Variants in PSMD6 observed in about 807,000 individuals in gnomAD.
PSMD6 encodes the protein 26S proteasome non-ATPase regulatory subunit 6.
In PSMD6, 7 loss-of-function variants were observed where a neutral mutation model predicts 44.9. The ratio of observed to expected loss-of-function variants is 0.16; its 90% CI spans 0.09 to 0.29. The LOEUF is 0.29. Ranked by LOEUF, PSMD6 falls within the 10% of genes least tolerant of loss-of-function variation. The pLI is 1.00. For synonymous variants in PSMD6, 184 were observed against 172.7 expected, an observed-to-expected ratio of 1.07 and a Z score of -0.51; for missense variants, 420 against 482.6, an observed-to-expected ratio of 0.87 and a Z score of 1.21.
chr3:64,017,646 TC>T (rs1398049923), intron 5 of PSMD6: 4 of 152,222 alleles, frequency 2.6e-5, no homozygotes, highest in Non-Finnish European at 5.9e-5. Context: ...GGAAACCTGT[TC>T]CTACATTACC....
intron 5 of PSMD6, chr3:64,015,249 G>A (rs2076024365): frequency 6.6e-6 from 1 of 152,190 alleles, no homozygotes; most frequent in African/African-American, 2.4e-5. Context: ...AATGTAAACT[G>A]ACATATCTCT....
At chr3:64,021,618 G>A (rs1476981325) in intron 2 of PSMD6, among the ~76,000 whole-genome samples, 3 of 152,094 alleles carry the variant, frequency 2.0e-5, no homozygotes, top group Admixed American at 2.0e-4. Context: ...AGACTAGCCT[G>A]GCCAACATGT....
intron 2 of PSMD6, 30 bp from the exon 3 acceptor site, chr3:64,019,471 A>G: frequency 6.3e-7 from 1 of 1,595,064 alleles, no homozygotes; most frequent in Non-Finnish European, 8.5e-7. Context: ...AATAGGTGAG[A>G]AAAGGCTACA....
At chr3:64,017,788 T>C (rs1325451041) in intron 5 of PSMD6, 1 of 152,244 alleles carries the variant, frequency 6.6e-6, no homozygotes, top group Non-Finnish European at 1.5e-5. Context: ...ATTCCCACTT[T>C]TCTCCAAAGC....
chr3:64,021,440 G>T (rs150283619), intron 2 of PSMD6, among the ~76,000 whole-genome samples: 2 of 152,240 alleles, frequency 1.3e-5, no homozygotes, highest in African/African-American at 4.8e-5. Context: ...AAAAATTTCT[G>T]CAAGTATTAA....
In PSMD6 at chr3:64,010,576, T is replaced by C; in HGVS notation, c.*92A>G. ...GAAAGAAACAACAATGCAGTATTTA[T>C]TTTATACAGCTGACCTGGGCACATT... On this transcript the variant is annotated 3_prime_UTR_variant, in exon 8 of 8. Transcript: ENST00000295901. 4.3e-6 allele frequency: 4 copies of C among 921,564 alleles called. No individual in the cohort carries two copies. The highest frequency in any genetic ancestry group is 6.4e-6 in the Non-Finnish European group (4 of 621,032). The allele number at this position is 921,564 out of a possible 1,614,324, so 57.1% of individuals were successfully genotyped here.
At position 64,019,453 on chromosome 3, in the gene PSMD6, G is replaced by A; in HGVS notation, c.352-12C>T. The A allele has an allele frequency of 6.2e-7, 1 of 1,607,216 alleles. No homozygotes were observed. The highest frequency in any genetic ancestry group is 8.5e-7 in the Non-Finnish European group (1 of 1,177,978). ...GTCAGAGCTCCCTCCTGTCAAGAAAGCCAAGGCAATAGGTGAGAAAAGGCT... is the reference window on the plus strand; with the variant it reads ...GTCAGAGCTCCCTCCTGTCAAGAAAACCAAGGCAATAGGTGAGAAAAGGCT... On this transcript the variant is annotated splice_polypyrimidine_tract_variant and intron_variant, in intron 2 of 7. Coordinates refer to ENST00000295901, the MANE Select transcript of PSMD6 (RefSeq NM_014814.3).
intron 1 of PSMD6, chr3:64,022,902 T>G (rs1182720841): frequency 6.8e-7 from 1 of 1,479,340 alleles, no homozygotes; most frequent in African/African-American, 1.4e-5. Context: ...AACCCAAATT[T>G]CCCTTCCACA....
chr3:64,023,802 C>G, upstream of PSMD6: 3 of 1,478,434 alleles, frequency 2.0e-6, no homozygotes, highest in Non-Finnish European at 2.7e-6. Context: ...TAAAAACAAT[C>G]ACCATAGTTT....
chr3:64,018,004 AG>A (rs2076073705), intron 5 of PSMD6, among the ~76,000 whole-genome samples: 1 of 152,232 alleles, frequency 6.6e-6, no homozygotes, highest in Admixed American at 6.5e-5. Context: ...GTGTGAAGGC[AG>A]GATCACTACA....
intron 6 of PSMD6, chr3:64,011,842 A>AAAAAG (rs2075960552): frequency 6.6e-6 from 1 of 152,360 alleles, no homozygotes; most frequent in African/African-American, 2.4e-5. Flanking sequence ...ACAGAGCTGG[A>AAAAAG]AAAAGAAGCA....
rs1390806337 is a variant in PSMD6, at chr3:64,023,257, C to A, written c.145+18G>T. The A allele has an allele frequency of 3.2e-6, 5 of 1,547,952 alleles. No homozygotes were observed. In the South Asian group the frequency reaches 5.9e-5, roughly 18 times the overall value. Reference sequence around the variant, plus strand: ...GCCCAGGCCTAGGCCGCTGACTCGGCGCTCGTGCGGGCCTCACTGTTATCG... The same window carrying A: ...GCCCAGGCCTAGGCCGCTGACTCGGAGCTCGTGCGGGCCTCACTGTTATCG... On this transcript the variant is annotated intron_variant, in intron 1 of 7. Transcript: ENST00000295901.
intron 5 of PSMD6, chr3:64,014,018 A>C (rs542902002): frequency 6.5e-6 from 1 of 154,264 alleles, no homozygotes; most frequent in East Asian, 1.9e-4. Context: ...AAAAGGTATA[A>C]ATCAGACATT....
rs371631208 is a variant in PSMD6, at chr3:64,013,567, G to T, written c.867C>A (p.Ala289=). The T allele has an allele frequency of 1.2e-6, 2 of 1,610,052 alleles. No individual in the cohort carries two copies. The highest frequency in any genetic ancestry group is 8.5e-7 in the Non-Finnish European group (1 of 1,178,590). Residue 289 remains alanine, a synonymous_variant, in exon 6 of 8, where the codon GCC becomes GCA. Transcript: ENST00000295901. ...CTCTTACATAGTATCGATAATGAGG[G>T]GCAAAAAGCCAGTCCTTTTTCATTT... ...EQEMKKDWLF[A]PHYRYYVREM...
intron 6 of PSMD6, chr3:64,012,098 A>AACTT (rs1294930968): frequency 6.6e-6 from 1 of 152,154 alleles, no homozygotes; most frequent in Admixed American, 6.5e-5. Flanking sequence ...TGGTGTCTGA[A>AACTT]ACTTACTTTG....
intron 5 of PSMD6, chr3:64,017,015 T>C (rs1015033749): frequency 1.3e-5 from 2 of 152,234 alleles, no homozygotes; most frequent in Admixed American, 1.3e-4. Flanking sequence ...CATGGATGAA[T>C]GTGGGAACAT....
At chr3:64,022,770 G>A (rs1267652634) in intron 1 of PSMD6, 4 of 1,536,126 alleles carry the variant, frequency 2.6e-6, no homozygotes, top group Non-Finnish European at 3.5e-6. Context: ...GGCAATCCTC[G>A]GTTTGCTCTT....
intron 2 of PSMD6, among the ~76,000 whole-genome samples, chr3:64,020,774 G>A (rs1445151948): frequency 6.6e-6 from 1 of 152,166 alleles, no homozygotes; most frequent in African/African-American, 2.4e-5. Flanking sequence ...TACACATGAG[G>A]AAACCGAGGG....
At chr3:64,020,924 A>G (rs1476930710) in intron 2 of PSMD6, among the ~76,000 whole-genome samples, 1 of 152,238 alleles carries the variant, frequency 6.6e-6, no homozygotes, top group Non-Finnish European at 1.5e-5. Flanking sequence ...AAAATTAAAA[A>G]CATTCAAAGC....
Sources: allele counts gnomAD v4.1 joint callset (sites outside exome capture counted in the v4.1 genomes callset), GRCh38; gene constraint gnomAD v4.1.1; transcripts MANE v1.5; gene names NCBI Gene and HGNC (gene_info 2026-07-23, HGNC 2026-07-21).